Variants in DEPDC1B observed in about 807,000 individuals in gnomAD.
DEPDC1B encodes the protein DEP domain containing 1B, also known as DEP domain-containing protein 1B.
In DEPDC1B, 51 loss-of-function variants were observed where a neutral mutation model predicts 66.5. That is an observed-to-expected ratio of 0.77 (90% CI 0.61 to 0.97). The LOEUF (loss-of-function observed/expected upper bound fraction) is 0.97, where lower values mean the gene tolerates loss of function less well. DEPDC1B is among the 50% of genes least tolerant of loss of function. DEPDC1B has a pLI of 0.00. For missense variants in DEPDC1B, 552 were observed against 637.1 expected (o/e 0.87, Z 1.44); for synonymous variants, 226 against 223.6 (o/e 1.01, Z -0.10).
chr5:60,620,795 T>A (rs532020626), intron 7 of DEPDC1B, among the ~76,000 whole-genome samples: 2 of 152,304 alleles, frequency 1.3e-5, no homozygotes, highest in South Asian at 2.1e-4. Flanking sequence ...ACTGGGTATA[T>A]ACACAAAGGA....
intron 2 of DEPDC1B, among the ~76,000 whole-genome samples, chr5:60,672,968 A>G (rs1754075280): frequency 6.6e-6 from 1 of 152,104 alleles, no homozygotes; most frequent in African/African-American, 2.4e-5. Context: ...TCACTGACTA[A>G]CCTTTGAACT....
At chr5:60,670,153 G>A (rs1323402882) in intron 2 of DEPDC1B, among the ~76,000 whole-genome samples, 1 of 152,216 alleles carries the variant, frequency 6.6e-6, no homozygotes, top group Admixed American at 6.5e-5. Context: ...GGGAAGCCCA[G>A]GCGGGCAGAT....
intron 2 of DEPDC1B, among the ~76,000 whole-genome samples, chr5:60,649,448 T>C (rs1361916471): frequency 6.6e-6 from 1 of 152,104 alleles, no homozygotes; most frequent in East Asian, 1.9e-4. Flanking sequence ...GTGTGCTATC[T>C]ATTTTCACAG....
intron 7 of DEPDC1B, among the ~76,000 whole-genome samples, chr5:60,631,710 C>T (rs940073926): frequency 3.9e-5 from 6 of 152,134 alleles, no homozygotes; most frequent in African/African-American, 1.4e-4. Context: ...GAATAAATTG[C>T]TCAGTACAGG....
In DEPDC1B at chr5:60,645,571, G is replaced by C. The variant is rs544616070; in HGVS notation, c.499C>G (p.Pro167Ala). ...KRHSIAIGEV[P>A]ACRLVHRRQL... ...CTGCGGTGGACAAGACGGCAAGCTG[G>C]CACCTCTCCAATTGCAATACTGTGA... The change falls in exon 4 of 11, where the codon CCA becomes GCA. Residue 167 changes from proline (P) to alanine (A), a missense_variant. Physicochemically the swap from Pro to Ala is conservative, Grantham distance 27 (BLOSUM62 -1). Coordinates refer to ENST00000265036, the MANE Select transcript of DEPDC1B (RefSeq NM_018369.3). 6 of 1,613,108 alleles carry C rather than the reference G, an allele frequency of 3.7e-6. No individual in the cohort carries two copies. The African/African-American group carries it at 8.0e-5, about 22-fold the overall frequency.
chr5:60,626,623 A>T (rs1752814061), intron 7 of DEPDC1B, among the ~76,000 whole-genome samples: 2 of 151,638 alleles, frequency 1.3e-5, no homozygotes, highest in Non-Finnish European at 2.9e-5. Context: ...AATAATAAAT[A>T]TATATGTGTT....
chr5:60,608,867 G>A (rs1752362734), intron 7 of DEPDC1B, among the ~76,000 whole-genome samples: 1 of 152,108 alleles, frequency 6.6e-6, no homozygotes, highest in Non-Finnish European at 1.5e-5. Context: ...TCAGCATTTT[G>A]GGAGGCCAAG....
chr5:60,635,064 G>A (rs371565355), intron 7 of DEPDC1B, among the ~76,000 whole-genome samples: 390 of 115,688 alleles, frequency 3.4e-3, no homozygotes, highest in African/African-American at 3.6e-3. Context: ...CATCTCAAGA[G>A]AAAAAAAAAA....
intron 7 of DEPDC1B, among the ~76,000 whole-genome samples, chr5:60,606,136 C>A (rs983945298): frequency 6.6e-6 from 1 of 152,112 alleles, no homozygotes; most frequent in Non-Finnish European, 1.5e-5. Context: ...CACTCTTTCC[C>A]GAACCAGGAG....
At chr5:60,689,640 A>C (rs1357246348) in intron 1 of DEPDC1B, among the ~76,000 whole-genome samples, 2 of 152,254 alleles carry the variant, frequency 1.3e-5, no homozygotes, top group South Asian at 2.1e-4. Context: ...AAAGAATCTC[A>C]TAAGTACTTG....
In DEPDC1B at chr5:60,667,546, A is replaced by ATGGATATTTTACATATATAAAAAAAG. The variant is rs1561383696; in HGVS notation, c.314+19415_314+19416insCTTTTTTTATATATGTAAAATATCCA. ...TGGATATTTTACATATATATAAAAA[A>ATGGATATTTTACATATATAAAAAAAG]TGGATATTTTACATATATAAAAAAG... On this transcript the variant is annotated intron_variant, in intron 2 of 10. Coordinates refer to ENST00000265036, the MANE Select transcript of DEPDC1B (RefSeq NM_018369.3). 2.7e-4 allele frequency among the ~76,000 whole-genome samples: 40 copies of ATGGATATTTTACATATATAAAAAAAG among 145,726 alleles called. 3 individuals are homozygous for ATGGATATTTTACATATATAAAAAAAG. Among genetic ancestry groups the ATGGATATTTTACATATATAAAAAAAG allele is most frequent in the Non-Finnish European group, 5.7e-4 (38 of 66,326 alleles).
At chr5:60,667,105 C>A (rs1432076995) in intron 2 of DEPDC1B, among the ~76,000 whole-genome samples, 1 of 152,020 alleles carries the variant, frequency 6.6e-6, no homozygotes, top group African/African-American at 2.4e-5. Context: ...ATGGGCAAAA[C>A]CATTAAACAT....
chr5:60,684,204 CTT>C (rs1754360079), intron 2 of DEPDC1B, among the ~76,000 whole-genome samples: 1 of 152,104 alleles, frequency 6.6e-6, no homozygotes, highest in Non-Finnish European at 1.5e-5. Context: ...TCAACGCAGT[CTT>C]TATCAAATTA....
Position 60,597,632 on chromosome 5 carries a change from T to TA in DEPDC1B, c.*120dup, listed in dbSNP as rs1299017089. The stretch of plus-strand genomic sequence containing the variant: ...TTTAAAAACTAAGGCAATCTTTATC[T>TA]ATATTTCAGTAGTCTTTGTTTTATG... On this transcript the variant is annotated 3_prime_UTR_variant, in exon 11 of 11. Transcript: ENST00000265036. The TA allele has an allele frequency of 9.2e-7, 1 of 1,086,646 alleles. No homozygotes were observed. Among genetic ancestry groups the TA allele is most frequent in the Non-Finnish European group, 1.3e-6 (1 of 761,150 alleles). 67.3% of individuals were successfully genotyped at this position (1,086,646 alleles called of 1,614,324 possible). A position where few individuals can be genotyped will look rare whatever the true frequency, so the allele number is the denominator to read the frequency against.
At chr5:60,609,550 G>A (rs1489874807) in intron 7 of DEPDC1B, among the ~76,000 whole-genome samples, 1 of 152,168 alleles carries the variant, frequency 6.6e-6, no homozygotes, top group African/African-American at 2.4e-5. Context: ...AGCTAAAAGA[G>A]CAGCATGAAA....
chr5:60,667,515 A>G (rs566900750), intron 2 of DEPDC1B, among the ~76,000 whole-genome samples: 2 of 144,998 alleles, frequency 1.4e-5, no homozygotes, highest in African/African-American at 5.2e-5. Flanking sequence ...ACATATATAC[A>G]AAAAATGGAT....
At chr5:60,659,212 AC>A (rs1753648777) in intron 2 of DEPDC1B, among the ~76,000 whole-genome samples, 1 of 151,898 alleles carries the variant, frequency 6.6e-6, no homozygotes, top group Non-Finnish European at 1.5e-5. Flanking sequence ...GGAGCAGCCC[AC>A]CCCCATCTTG....
intron 7 of DEPDC1B, among the ~76,000 whole-genome samples, chr5:60,606,315 G>A (rs1199444160): frequency 1.3e-5 from 2 of 152,162 alleles, no homozygotes; most frequent in African/African-American, 4.8e-5. Flanking sequence ...ATAAAGGACT[G>A]ATGCCCACAT....
chr5:60,617,351 TAA>T (rs1199652901), intron 7 of DEPDC1B, among the ~76,000 whole-genome samples: 2 of 152,160 alleles, frequency 1.3e-5, no homozygotes, highest in African/African-American at 4.8e-5. Context: ...GCAAATTGGA[TAA>T]AGAGTCAAGA....
Sources: gnomAD v4.1 joint callset for allele counts (sites outside exome capture counted in the v4.1 genomes callset) on GRCh38, gnomAD v4.1.1 for gene constraint, MANE v1.5 for transcripts, NCBI Gene and HGNC (gene_info 2026-07-23, HGNC 2026-07-21) for gene names.